The following IFT140 variants were observed in gnomAD, a reference collection of about 807,000 sequenced individuals.
IFT140 encodes intraflagellar transport 140, also known as intraflagellar transport protein 140 homolog.
A neutral mutation model predicts 164.6 loss-of-function variants in IFT140; 133 were observed. That is an observed-to-expected ratio of 0.81 (90% confidence interval 0.70 to 0.93). The LOEUF (loss-of-function observed/expected upper bound fraction) is 0.93, where lower values mean the gene tolerates loss of function less well. IFT140 is among the 40% of genes least tolerant of loss of function. IFT140 has a pLI of 0.00. For missense variants in IFT140, 2,045 were observed against 1,972.3 expected (o/e 1.04, Z -0.70); for synonymous variants, 860 against 817.3 (o/e 1.05, Z -0.89).
In IFT140 at chr16:1,607,100, C is replaced by T. The variant is rs1431227202; in HGVS notation, c.147+20G>A. The T allele has an allele frequency of 1.9e-6, 3 of 1,612,472 alleles. No homozygotes were observed. The highest frequency in any genetic ancestry group is 1.7e-5 in the Admixed American group (1 of 59,852). On this transcript the variant is annotated intron_variant, in intron 3 of 30. Coordinates refer to ENST00000426508, the MANE Select transcript of IFT140 (RefSeq NM_014714.4). ...AGCCAGAAGCTACCACAGTCAGGCT[C>T]CTTGCTTCTGAGCACTCACTTGCTC...
chr16:1,564,199 C>A lies in IFT140; in HGVS notation c.1902-37G>T. On this transcript the variant is annotated intron_variant, in intron 16 of 30. Transcript: ENST00000426508. This position sits in a 1 kb window ranked among gnomAD's most constrained non-coding sequence, Gnocchi z 5.5. ...AGGAAGACCCGTTTCAACCCCAGGG[C>A]GGGCACTCCTGCTACCAGTCTCCCT... is the stretch of plus-strand genomic sequence containing the variant. The A allele has an allele frequency of 1.3e-6, 2 of 1,517,716 alleles. No individual in the cohort carries two copies. The highest frequency in any genetic ancestry group is 1.9e-5 in the Admixed American group (1 of 52,916). The allele number at this position is 1,517,716 out of a possible 1,614,324, so 94.0% of individuals were successfully genotyped here. A position where few individuals can be genotyped will look rare whatever the true frequency, so the allele number is the denominator to read the frequency against.
chr16:1,542,451 A>C (rs559381568), intron 19 of IFT140, among the ~76,000 whole-genome samples: 1 of 152,312 alleles, frequency 6.6e-6, no homozygotes, highest in South Asian at 2.1e-4. Context: ...ATGCTGAGGC[A>C]GCTGGTGGGG....
intron 13 of IFT140, among the ~76,000 whole-genome samples, chr16:1,579,934 A>G (rs2034467883): frequency 6.7e-6 from 1 of 150,240 alleles, no homozygotes; most frequent in African/African-American, 2.5e-5. Context: ...ACTGTACTCC[A>G]GCCTGGGCGA....
In IFT140 at chr16:1,526,814, TCTGTGAGGCTC is replaced by T; in HGVS notation, c.2400-29_2400-19del. On this transcript the variant is annotated intron_variant, in intron 19 of 30. Coordinates refer to ENST00000426508, the MANE Select transcript of IFT140 (RefSeq NM_014714.4). ...CGGCCTCACTGTGGGCAGACGGGGG[TCTGTGAGGCTC>T]CTGCCCAGCACCTCAGGGCCCCCTG... 1 of 1,599,784 alleles carries T rather than the reference TCTGTGAGGCTC, an allele frequency of 6.3e-7. No individual in the cohort carries two copies. Among genetic ancestry groups the T allele is most frequent in the Non-Finnish European group, 8.5e-7 (1 of 1,173,652 alleles).
At chr16:1,602,110 A>G (rs1412667481) in intron 4 of IFT140, among the ~76,000 whole-genome samples, 1 of 152,256 alleles carries the variant, frequency 6.6e-6, no homozygotes, top group Non-Finnish European at 1.5e-5. Flanking sequence ...GCCTAGGGAA[A>G]AGTGACAGTA....
intron 13 of IFT140, among the ~76,000 whole-genome samples, chr16:1,579,963 CAA>C (rs56411833): frequency 3.6e-4 from 38 of 106,714 alleles, no homozygotes; most frequent in Non-Finnish European, 3.2e-4. Context: ...GACTCCATCT[CAA>C]AAAAAAAAAA....
At chr16:1,513,378 G>C (rs545078719) in intron 30 of IFT140, 1 of 152,122 alleles carries the variant, frequency 6.6e-6, no homozygotes, top group Non-Finnish European at 1.5e-5. Flanking sequence ...GCGGGAACCT[G>C]TAGTCCCAGC....
In IFT140 at chr16:1,558,055, C is replaced by T. The variant is rs780086795; in HGVS notation, c.2279G>A (p.Arg760Gln). 8 of 1,613,968 alleles carry T rather than the reference C, an allele frequency of 5.0e-6. No individual in the cohort carries two copies. Among genetic ancestry groups the T allele is most frequent in the East Asian group, 4.5e-5 (2 of 44,896 alleles). Reference protein sequence around the residue: ...IPQMVSRRPLRDFVGLEDCDK... With the variant: ...IPQMVSRRPLQDFVGLEDCDK... ...GCAGTCCTCCAGCCCCACAAAGTCT[C>T]GCAGGGGTCTCCTGGACACCATCTG... Residue 760 changes from arginine to glutamine, a missense_variant, in exon 19 of 31, where the codon CGA (arginine) becomes CAA (glutamine). By Grantham distance (43) the Arg-to-Gln change is conservative (BLOSUM62 1). Transcript: ENST00000426508.
At chr16:1,552,797 G>T in intron 19 of IFT140, 1 of 179,246 alleles carries the variant, frequency 5.6e-6, no homozygotes, top group Non-Finnish European at 1.1e-5. Flanking sequence ...ACAGGTGCCT[G>T]CCACCACACC....
At chr16:1,560,121 A>G (rs1047993868) in intron 18 of IFT140, among the ~76,000 whole-genome samples, 5 of 152,260 alleles carry the variant, frequency 3.3e-5, no homozygotes, top group African/African-American at 9.6e-5. Flanking sequence ...ACGTAAAGCC[A>G]GCATGAAATT....
intron 20 of IFT140, chr16:1,526,319 C>G (rs1399136303): frequency 5.1e-6 from 3 of 590,920 alleles, no homozygotes; most frequent in African/African-American, 3.8e-5. Flanking sequence ...CACAGCCCCC[C>G]CTCCCACAGC....
intron 19 of IFT140, among the ~76,000 whole-genome samples, chr16:1,545,371 A>G (rs1245716730): frequency 6.6e-6 from 1 of 152,176 alleles, no homozygotes; most frequent in African/African-American, 2.4e-5. Context: ...TCTCCCCCTC[A>G]GTGTCCAACC....
intron 19 of IFT140, chr16:1,542,019 C>T (rs377659497): frequency 1.7e-5 from 27 of 1,611,400 alleles, no homozygotes; most frequent in Non-Finnish European, 2.3e-5. Flanking sequence ...CCTGCCCCTG[C>T]TGTCACCCGA....
rs935605887 is a variant in IFT140 at position 1,592,315 on chromosome 16, G to A, written c.495C>T (p.Asp165=). The change falls in exon 6 of 31, where the codon GAC becomes GAT. Residue 165 remains aspartate (D), a synonymous_variant. Coordinates refer to ENST00000426508, the MANE Select transcript of IFT140 (RefSeq NM_014714.4). ...CIFRLPPPGE[D]LVQLAKAAVS... Reference sequence around the variant, plus strand: ...CAGCTGCCTTTGCCAACTGAACCAGGTCCCTGAAAGCAAACACGACACGAA... The same window carrying A: ...CAGCTGCCTTTGCCAACTGAACCAGATCCCTGAAAGCAAACACGACACGAA... 1.2e-6 allele frequency: 2 copies of A among 1,614,110 alleles called. No homozygotes were observed. The highest frequency in any genetic ancestry group is 1.1e-5 in the South Asian group (1 of 91,070).
rs373081341 is a variant in IFT140, at chr16:1,592,519, C to T, written c.439G>A (p.Glu147Lys). The change falls in exon 5 of 31, where the codon GAG (glutamate) becomes AAG (lysine). Residue 147 changes from glutamate (E) to lysine (K), a missense_variant. Physicochemically the swap from Glu to Lys is moderately conservative, Grantham distance 56. Coordinates refer to ENST00000426508, the MANE Select transcript of IFT140 (RefSeq NM_014714.4). The part of the protein sequence containing the change: ...RVQGTPLLKH[E>K]YGKHLTHCIF... ...CAGTGCGTGAGGTGTTTCCCATACTCGTGTTTCAGCAGAGGCGTCCCTTGC... is the reference window on the plus strand; with the variant it reads ...CAGTGCGTGAGGTGTTTCCCATACTTGTGTTTCAGCAGAGGCGTCCCTTGC... 19 of 1,614,240 alleles carry T rather than the reference C, an allele frequency of 1.2e-5. No homozygotes were observed. The highest frequency in any genetic ancestry group is 8.9e-5 in the East Asian group (4 of 44,888).
rs980675427 is a variant in IFT140 at position 1,564,300 on chromosome 16, T to TG, written c.1902-139dup. On this transcript the variant is annotated intron_variant, in intron 16 of 30. Transcript: ENST00000426508. The surrounding 1 kb of genome is among the most constrained non-coding windows in gnomAD (Gnocchi z 5.5). ...ACGCGCTCAGCTCTGGGAGAACTTTTGGGGTCTCACTGCCATGCGCCCTAC... is the reference window on the plus strand; with the variant it reads ...ACGCGCTCAGCTCTGGGAGAACTTTTGGGGGTCTCACTGCCATGCGCCCTAC... The TG allele has an allele frequency of 2.5e-5, 15 of 598,118 alleles. No homozygotes were observed. The highest frequency in any genetic ancestry group is 3.8e-5 in the African/African-American group (2 of 52,098). 37.1% of individuals were successfully genotyped at this position (598,118 alleles called of 1,614,324 possible).
Position 1,554,797 on chromosome 16 carries a change from T to C in IFT140, c.2399+3138A>G, listed in dbSNP as rs372011293. 4 of 1,614,088 alleles carry C rather than the reference T, an allele frequency of 2.5e-6. No homozygotes were observed. In the African/African-American group the frequency reaches 5.3e-5, roughly 22 times the overall value. On this transcript the variant is annotated intron_variant, in intron 19 of 30. Coordinates refer to ENST00000426508, the MANE Select transcript of IFT140 (RefSeq NM_014714.4). ...TCATCTGCAGGTTTTGTCCTGGTCA[T>C]CGGGCTCGTGACTTTCTACAGAATT...
rs1174488072 is a variant in IFT140, at chr16:1,533,430, TA to T, written c.2400-6635del. 3 of 152,244 alleles carry T rather than the reference TA, an allele frequency of 2.0e-5. No homozygotes were observed. Among genetic ancestry groups the T allele is most frequent in the Non-Finnish European group, 2.9e-5 (2 of 68,148 alleles). 9.4% of individuals were successfully genotyped at this position (152,244 alleles called of 1,614,324 possible). On this transcript the variant is annotated intron_variant, in intron 19 of 30. Coordinates refer to ENST00000426508, the MANE Select transcript of IFT140 (RefSeq NM_014714.4). This position sits in a 1 kb window ranked among gnomAD's most constrained non-coding sequence, Gnocchi z 4.7. ...TCCAGGCCCCGGGGGCCACCAGGCT[TA>T]AAAGCAACAGGCGAGACGAGGGATC...
chr16:1,587,241 C>A lies in IFT140; in HGVS notation c.966G>T (p.Glu322Asp), dbSNP rs1314022621. ...ILSPDEKFGF[E>D]KGENMNCVCY... The stretch of plus-strand genomic sequence containing the variant: ...ACACACAGTTCATATTCTCTCCTTT[C>A]TCAAAGCCAAACTTCTCATCTGGAC... The change falls in exon 9 of 31, where the codon GAG becomes GAT. Residue 322 changes from glutamate to aspartate, a missense_variant. Transcript: ENST00000426508. The A allele has an allele frequency of 6.2e-7, 1 of 1,613,136 alleles. No homozygotes were observed. The highest frequency in any genetic ancestry group is 8.5e-7 in the Non-Finnish European group (1 of 1,179,196).
Sources: allele counts gnomAD v4.1 joint callset (sites outside exome capture counted in the v4.1 genomes callset), GRCh38; gene constraint gnomAD v4.1.1; non-coding constraint Gnocchi (gnomAD v3.1); transcripts MANE v1.5; gene names NCBI Gene and HGNC (gene_info 2026-07-23, HGNC 2026-07-21).